Variants in NRXN3 observed in about 807,000 individuals in gnomAD.
The protein encoded by NRXN3 is neurexin III.
NRXN3 carries 32 observed loss-of-function variants against 137.6 expected under a neutral mutation model. The observed-to-expected ratio is 0.23, with a 90% confidence interval of 0.18 to 0.31. The LOEUF is 0.31. Ranked by LOEUF, NRXN3 falls within the 10% of genes least tolerant of loss-of-function variation. The probability of loss-of-function intolerance (pLI) is 1.00; values close to 1 mark genes in which losing one functional copy is unlikely to be tolerated. For missense variants in NRXN3, 1,574 were observed against 2,062.5 expected (o/e 0.76, Z 4.59); for synonymous variants, 798 against 784.5 (o/e 1.02, Z -0.29).
chr14:79,632,521 ATTCC>A (rs113188305), intron 16 of NRXN3: 39,871 of 151,886 alleles, frequency 0.26, 5,843 homozygotes, highest in African/African-American at 0.4. Context: ...TGAGAAGGGG[ATTCC>A]TAATCAGGAA....
In NRXN3 at chr14:78,319,653, A is replaced by G. The variant is rs12323607; in HGVS notation, c.757+21793A>G. Among the ~76,000 whole-genome samples, 964 of 152,282 alleles carry G rather than the reference A, an allele frequency of 6.3e-3. 11 individuals carry two copies. Among genetic ancestry groups the G allele is most frequent in the African/African-American group, 0.022 (929 of 41,554 alleles). ...TGGGTGACTCCCAACAGCGATGACAATATACATTCTCAGTAACCTGGAGCT... is the reference window on the plus strand; with the variant it reads ...TGGGTGACTCCCAACAGCGATGACAGTATACATTCTCAGTAACCTGGAGCT... On this transcript the variant is annotated intron_variant, in intron 4 of 20. Coordinates refer to ENST00000335750, the MANE Select transcript of NRXN3 (RefSeq NM_001330195.2).
chr14:78,850,150 G>C (rs916636049), intron 10 of NRXN3, among the ~76,000 whole-genome samples: 4 of 152,012 alleles, frequency 2.6e-5, no homozygotes, highest in Non-Finnish European at 5.9e-5. Context: ...GAGAGACAGA[G>C]AGAGAGAGAG....
intron 4 of NRXN3, among the ~76,000 whole-genome samples, chr14:78,522,906 C>T (rs542479102): frequency 1.1e-4 from 16 of 152,224 alleles, no homozygotes; most frequent in Non-Finnish European, 2.1e-4. Context: ...CAATATCTAA[C>T]GGTATTCTTT....
At chr14:78,768,065 A>G (rs1408265344) in intron 8 of NRXN3, among the ~76,000 whole-genome samples, 1 of 149,670 alleles carries the variant, frequency 6.7e-6, no homozygotes, top group Non-Finnish European at 1.5e-5. Flanking sequence ...TCGAAAACAA[A>G]TGTGTTTACC....
At chr14:78,678,995 T>A (rs2098042772) in intron 6 of NRXN3, among the ~76,000 whole-genome samples, 1 of 152,102 alleles carries the variant, frequency 6.6e-6, no homozygotes, top group East Asian at 1.9e-4. Context: ...TTCAAAAATG[T>A]CAGGATAGAT....
At chr14:78,818,224 T>C (rs927643543) in intron 10 of NRXN3, among the ~76,000 whole-genome samples, 1 of 151,998 alleles carries the variant, frequency 6.6e-6, no homozygotes, top group African/African-American at 2.4e-5. Flanking sequence ...GAGAGAAATA[T>C]CTAATGCCAG....
At chr14:79,100,852 C>T (rs2051152205) in intron 15 of NRXN3, among the ~76,000 whole-genome samples, 1 of 152,106 alleles carries the variant, frequency 6.6e-6, no homozygotes, top group Admixed American at 6.6e-5. Context: ...CTTCTGGGCT[C>T]ATTAACCCAC....
intron 1 of NRXN3, among the ~76,000 whole-genome samples, chr14:78,180,342 A>G (rs2153350769): frequency 6.6e-6 from 1 of 152,274 alleles, no homozygotes; most frequent in South Asian, 2.1e-4. Context: ...CTTTAAAGGG[A>G]AAAAAAGAAA....
intron 19 of NRXN3, among the ~76,000 whole-genome samples, chr14:79,745,408 A>G (rs1240541952): frequency 6.6e-6 from 1 of 152,144 alleles, no homozygotes; most frequent in Admixed American, 6.6e-5. Flanking sequence ...ACAACACCTC[A>G]TTAATCAGGA....
chr14:79,387,794 G>T (rs1398189506), intron 15 of NRXN3, among the ~76,000 whole-genome samples: 1 of 152,036 alleles, frequency 6.6e-6, no homozygotes, highest in South Asian at 2.1e-4. Flanking sequence ...ATGAGTTCAT[G>T]TCCTTTGTAG....
intron 19 of NRXN3, among the ~76,000 whole-genome samples, chr14:79,727,261 A>G (rs2098895942): frequency 6.8e-6 from 1 of 147,948 alleles, no homozygotes; most frequent in Admixed American, 6.7e-5. Flanking sequence ...TAAACCTTTA[A>G]TTGGTTGGCT....
At chr14:79,636,403 TG>T (rs2098403699) in intron 16 of NRXN3, among the ~76,000 whole-genome samples, 1 of 152,186 alleles carries the variant, frequency 6.6e-6, no homozygotes, top group Non-Finnish European at 1.5e-5. Flanking sequence ...TTTTTGTTTT[TG>T]TTTTTCTTTT....
At chr14:79,806,336 T>G (rs2099205108) in intron 20 of NRXN3, among the ~76,000 whole-genome samples, 1 of 152,086 alleles carries the variant, frequency 6.6e-6, no homozygotes, top group African/African-American at 2.4e-5. Flanking sequence ...AGATTTCAAA[T>G]CTGTTGAAGC....
At chr14:79,208,644 A>G (rs532377338) in intron 15 of NRXN3, among the ~76,000 whole-genome samples, 1 of 152,302 alleles carries the variant, frequency 6.6e-6, no homozygotes, top group Admixed American at 6.5e-5. Context: ...TGTTTTACCT[A>G]TATTCTATTG....
chr14:79,412,672 A>G (rs999496586), intron 15 of NRXN3, among the ~76,000 whole-genome samples: 15 of 150,346 alleles, frequency 1.0e-4, no homozygotes, highest in African/African-American at 3.7e-4. Flanking sequence ...AATCCCAGCT[A>G]CTAGGGAGGC....
At chr14:79,639,310 C>G (rs990591273) in intron 16 of NRXN3, among the ~76,000 whole-genome samples, 1 of 152,086 alleles carries the variant, frequency 6.6e-6, no homozygotes. Context: ...ATTTTATCAC[C>G]TGTGTATGTA....
intron 4 of NRXN3, among the ~76,000 whole-genome samples, chr14:78,508,543 A>G (rs936086729): frequency 6.6e-6 from 1 of 152,148 alleles, no homozygotes; most frequent in Non-Finnish European, 1.5e-5. Context: ...TTTGTATGCT[A>G]GAAAGTAAGT....
At chr14:78,733,306 C>G (rs763061091) in intron 8 of NRXN3, among the ~76,000 whole-genome samples, 3 of 152,140 alleles carry the variant, frequency 2.0e-5, no homozygotes, top group Non-Finnish European at 2.9e-5. Context: ...TATCCTCAGT[C>G]TTTGCATCCA....
intron 16 of NRXN3, chr14:79,661,826 AGTACTGTGACTCAGTCTT>A (rs1475694789): frequency 6.6e-6 from 1 of 152,114 alleles, no homozygotes; most frequent in Non-Finnish European, 1.5e-5. Flanking sequence ...ATCGTGAACT[AGTACTGTGACTCAGTCTT>A]GTAGAATGTC....
Sources: allele counts gnomAD v4.1 joint callset (sites outside exome capture counted in the v4.1 genomes callset), GRCh38; gene constraint gnomAD v4.1.1; transcripts MANE v1.5; gene names NCBI Gene and HGNC (gene_info 2026-07-23, HGNC 2026-07-21).